Variants in PLPPR1 observed in about 807,000 individuals in gnomAD.
The protein encoded by PLPPR1 is phospholipid phosphatase related 1.
Under a neutral mutation model 33.1 loss-of-function variants are expected in PLPPR1, and 10 were observed. That is an observed-to-expected ratio of 0.30 (90% CI 0.19 to 0.51). PLPPR1 has a LOEUF of 0.51. Ranked by LOEUF, PLPPR1 falls within the 20% of genes least tolerant of loss-of-function variation. PLPPR1 has a pLI of 0.97. For synonymous variants in PLPPR1, 151 were observed against 151.0 expected (o/e 1.00, Z 0.00); for missense variants, 304 against 408.1 (o/e 0.74, Z 2.20).
At chr9:101,191,216 A>G (rs955158851) in intron 2 of PLPPR1, among the ~76,000 whole-genome samples, 2 of 152,210 alleles carry the variant, frequency 1.3e-5, no homozygotes, top group African/African-American at 2.4e-5. Context: ...GACAAAAGCT[A>G]GAGAAGTCAG....
intron 4 of PLPPR1, among the ~76,000 whole-genome samples, chr9:101,297,536 CCAA>C (rs2118935649): frequency 6.6e-6 from 1 of 152,270 alleles, no homozygotes; most frequent in Admixed American, 6.5e-5. Context: ...ATTCACAAAT[CCAA>C]CAATACATTT....
intron 1 of PLPPR1, among the ~76,000 whole-genome samples, chr9:101,096,328 T>A (rs747449037): frequency 1.3e-5 from 2 of 152,166 alleles, no homozygotes; most frequent in Non-Finnish European, 2.9e-5. Context: ...TACTCCTTGA[T>A]CATCTCTAGC....
chr9:101,202,830 A>G (rs1826517352), intron 2 of PLPPR1, among the ~76,000 whole-genome samples: 2 of 152,188 alleles, frequency 1.3e-5, no homozygotes, highest in African/African-American at 4.8e-5. Context: ...TCCCAGAGGC[A>G]TTGAATTTTG....
intron 1 of PLPPR1, among the ~76,000 whole-genome samples, chr9:101,031,912 A>G (rs779341895): frequency 1.3e-5 from 2 of 152,196 alleles, no homozygotes; most frequent in Non-Finnish European, 2.9e-5. Flanking sequence ...GTAATGCTAT[A>G]GAGTGAGTTT....
intron 3 of PLPPR1, 57 bp from the exon 4 acceptor site, chr9:101,286,047 G>T (rs536516609): frequency 1.4e-6 from 2 of 1,460,624 alleles, no homozygotes; most frequent in East Asian, 2.3e-5. Flanking sequence ...TAAAGCCATG[G>T]GCCTCTCTTA....
At chr9:101,105,746 G>T (rs1345900000) in intron 1 of PLPPR1, among the ~76,000 whole-genome samples, 2 of 42,898 alleles carry the variant, frequency 4.7e-5, no homozygotes, top group African/African-American at 1.1e-4. Flanking sequence ...GTTGACAGTG[G>T]GGTGTTAAAG....
Position 101,309,267 on chromosome 9 carries a change from G to T in PLPPR1, c.442G>T (p.Val148Phe). The change falls in exon 5 of 8, where the codon GTC (valine) becomes TTC (phenylalanine). Residue 148 changes from valine to phenylalanine, a missense_variant. Physicochemically the swap from Val to Phe is conservative, Grantham distance 50. Coordinates refer to ENST00000374874, the MANE Select transcript of PLPPR1 (RefSeq NM_207299.2). The stretch of plus-strand genomic sequence containing the variant: ...CATTTTTGTAAACGCCGGACAAGTG[G>T]TCACTGGGCACTTAACGCCATACTT... ...TDIFVNAGQV[V>F]TGHLTPYFLT... 1 of 1,614,152 alleles carries T rather than the reference G, an allele frequency of 6.2e-7. No homozygotes were observed. Among genetic ancestry groups the T allele is most frequent in the Non-Finnish European group, 8.5e-7 (1 of 1,180,020 alleles).
chr9:101,215,387 C>G (rs2118774906), intron 2 of PLPPR1, among the ~76,000 whole-genome samples: 1 of 152,140 alleles, frequency 6.6e-6, no homozygotes, highest in South Asian at 2.1e-4. Flanking sequence ...TCAAGGGATT[C>G]TCCTGCCTCA....
intron 3 of PLPPR1, among the ~76,000 whole-genome samples, chr9:101,273,880 G>C (rs1828141590): frequency 6.6e-6 from 1 of 152,044 alleles, no homozygotes; most frequent in South Asian, 2.1e-4. Context: ...CTTGAAAATG[G>C]CAATTCTAAT....
chr9:101,310,561 CG>C (rs1828935606), intron 5 of PLPPR1, among the ~76,000 whole-genome samples: 1 of 152,090 alleles, frequency 6.6e-6, no homozygotes, highest in South Asian at 2.1e-4. Flanking sequence ...TCTGCCTCTG[CG>C]GGAAGAAAAC....
chr9:101,203,730 G>C (rs139039228), intron 2 of PLPPR1, among the ~76,000 whole-genome samples: 297 of 151,374 alleles, frequency 2.0e-3, no homozygotes, highest in African/African-American at 6.9e-3. Flanking sequence ...ATATAGATAT[G>C]TTATATATCT....
chr9:101,061,020 G>A (rs986215067), intron 1 of PLPPR1, among the ~76,000 whole-genome samples: 1 of 151,816 alleles, frequency 6.6e-6, no homozygotes, highest in Non-Finnish European at 1.5e-5. Context: ...ATGAAGACTT[G>A]TCACCTTTCA....
chr9:101,241,022 A>T (rs1196060732), intron 2 of PLPPR1, among the ~76,000 whole-genome samples: 1 of 152,128 alleles, frequency 6.6e-6, no homozygotes. Context: ...TAGCCACACA[A>T]GTGTTCATGG....
chr9:101,245,118 A>G (rs1827563863), intron 2 of PLPPR1, among the ~76,000 whole-genome samples: 2 of 152,072 alleles, frequency 1.3e-5, no homozygotes, highest in South Asian at 4.1e-4. Flanking sequence ...GTGTTATCTT[A>G]CAAAGTTGAG....
chr9:101,287,790 T>C (rs1436105499), intron 4 of PLPPR1, among the ~76,000 whole-genome samples: 1 of 152,164 alleles, frequency 6.6e-6, no homozygotes, highest in Non-Finnish European at 1.5e-5. Flanking sequence ...CATGAGCCAC[T>C]GTGCCCGGCC....
chr9:101,108,423 A>T (rs1276471022), intron 1 of PLPPR1, among the ~76,000 whole-genome samples: 1 of 152,236 alleles, frequency 6.6e-6, no homozygotes, highest in East Asian at 1.9e-4. Flanking sequence ...ATGAAATAAA[A>T]ACATGCATAG....
At chr9:101,311,378 AT>A (rs749266810) in intron 5 of PLPPR1, among the ~76,000 whole-genome samples, 4 of 152,222 alleles carry the variant, frequency 2.6e-5, no homozygotes, top group Non-Finnish European at 5.9e-5. Flanking sequence ...CCGCTATTAC[AT>A]GTCAAATGCT....
chr9:101,322,990 CA>C (rs1169627162), intron 7 of PLPPR1, among the ~76,000 whole-genome samples: 8 of 152,092 alleles, frequency 5.3e-5, no homozygotes, highest in African/African-American at 1.9e-4. Flanking sequence ...ACAAACCCCC[CA>C]AAAATTCTAT....
chr9:101,135,885 G>A (rs1831372092), intron 1 of PLPPR1, among the ~76,000 whole-genome samples: 2 of 152,198 alleles, frequency 1.3e-5, no homozygotes, highest in African/African-American at 2.4e-5. Context: ...GGAGCAGCAG[G>A]AGAGTCAGGT....
Sources: allele counts gnomAD v4.1 joint callset (sites outside exome capture counted in the v4.1 genomes callset), GRCh38; gene constraint gnomAD v4.1.1; transcripts MANE v1.5; gene names NCBI Gene and HGNC (gene_info 2026-07-23, HGNC 2026-07-21).